The following PCDH15 variants were observed in gnomAD, a reference collection of about 807,000 sequenced individuals.
PCDH15 encodes the protein protocadherin-15.
PCDH15 carries 129 observed loss-of-function variants against 178.5 expected under a neutral mutation model. That is an observed-to-expected ratio of 0.72 (90% CI 0.63 to 0.84). PCDH15 has a LOEUF of 0.84. Among genes scored for constraint, PCDH15 ranks in the 40% least tolerant of loss-of-function variants. The probability of loss-of-function intolerance (pLI) is 0.00; values close to 1 mark genes in which losing one functional copy is unlikely to be tolerated. For synonymous variants in PCDH15, 800 were observed against 732.0 expected (o/e 1.09, Z -1.50); for missense variants, 2,230 against 2,099.9 (o/e 1.06, Z -1.21).
chr10:55,056,558 CTGTT>C (rs1564754155), intron 2 of PCDH15, among the ~76,000 whole-genome samples: 1 of 150,784 alleles, frequency 6.6e-6, no homozygotes, highest in Non-Finnish European at 1.5e-5. Flanking sequence ...CAATAAGACT[CTGTT>C]TGCTTCTTCA....
At chr10:54,038,167 T>C (rs989395927) in intron 18 of PCDH15, among the ~76,000 whole-genome samples, 1 of 151,966 alleles carries the variant, frequency 6.6e-6, no homozygotes, top group Non-Finnish European at 1.5e-5. Context: ...CTAATTCTTC[T>C]GAGATATCAT....
intron 2 of PCDH15, among the ~76,000 whole-genome samples, chr10:55,607,704 C>T (rs1313954406): frequency 2.2e-5 from 3 of 138,072 alleles, no homozygotes; most frequent in Non-Finnish European, 4.6e-5. Flanking sequence ...ACAATGAGAT[C>T]ACATGGACAC....
intron 2 of PCDH15, among the ~76,000 whole-genome samples, chr10:55,034,852 T>C (rs1840696810): frequency 6.6e-6 from 1 of 152,174 alleles, no homozygotes; most frequent in Non-Finnish European, 1.5e-5. Context: ...TTTATACATG[T>C]TAGTTAAATT....
intron 11 of PCDH15, among the ~76,000 whole-genome samples, chr10:54,191,881 G>A (rs7094949): frequency 0.44 from 65,466 of 149,984 alleles, 17,073 homozygotes; most frequent in East Asian, 0.94. Flanking sequence ...GGATTGTGAC[G>A]CTGCACTCCA....
At chr10:54,737,671 A>G (rs2132748260) in intron 1 of PCDH15, among the ~76,000 whole-genome samples, 1 of 151,488 alleles carries the variant, frequency 6.6e-6, no homozygotes, top group South Asian at 2.1e-4. Context: ...AAATTTGATG[A>G]CATTTAAGAT....
At chr10:53,999,029 G>A (rs1444890311) in intron 20 of PCDH15, among the ~76,000 whole-genome samples, 1 of 146,544 alleles carries the variant, frequency 6.8e-6, no homozygotes, top group Admixed American at 6.9e-5. Context: ...CTCCAGCCTG[G>A]GTGACAGAGT....
At chr10:54,350,776 T>C (rs1169096143) in intron 5 of PCDH15, among the ~76,000 whole-genome samples, 1 of 151,812 alleles carries the variant, frequency 6.6e-6, no homozygotes, top group East Asian at 1.9e-4. Flanking sequence ...GCTTCAAGTC[T>C]GAGAGTTTAA....
Position 53,810,617 on chromosome 10 carries a change from G to A in PCDH15, c.4610C>T (p.Ala1537Val), listed in dbSNP as rs1288943935. The part of the protein sequence containing the change: ...YGSRRRLLPP[A>V]GQEEYGEVVG... ...CACCTCACCATATTCCTCCTGTCCAGCTGGTGGTAACAATCGACGGCGACT... is the reference window on the plus strand; with the variant it reads ...CACCTCACCATATTCCTCCTGTCCAACTGGTGGTAACAATCGACGGCGACT... The change falls in exon 37 of 38, where the codon GCT (alanine) becomes GTT (valine). Residue 1537 changes from alanine to valine, a missense_variant. Transcript: ENST00000644397. 6.2e-7 allele frequency: 1 copy of A among 1,613,792 alleles called. No individual in the cohort carries two copies. Among genetic ancestry groups the A allele is most frequent in the Non-Finnish European group, 8.5e-7 (1 of 1,179,820 alleles).
At chr10:53,872,101 T>C (rs1401776615) in intron 26 of PCDH15, among the ~76,000 whole-genome samples, 1 of 152,176 alleles carries the variant, frequency 6.6e-6, no homozygotes. Flanking sequence ...CCCCTCCTTG[T>C]TGCCAAACAT....
chr10:54,233,299 A>C (rs2054273755), intron 9 of PCDH15, among the ~76,000 whole-genome samples: 1 of 152,238 alleles, frequency 6.6e-6, no homozygotes, highest in African/African-American at 2.4e-5. Flanking sequence ...TTTGTGACAA[A>C]TATTACATTA....
chr10:54,574,158 G>A (rs1239891706), intron 2 of PCDH15, among the ~76,000 whole-genome samples: 1 of 151,034 alleles, frequency 6.6e-6, no homozygotes, highest in Non-Finnish European at 1.5e-5. Flanking sequence ...TATGGTTTTA[G>A]GTCTAACGTT....
rs73255754 is a variant in PCDH15, at chr10:55,369,687, C to A, written c.-155-203036G>T. ...CCTACAAATTTAAAGTTAGCAGCCA[C>A]CTATATTAAGACTTCTTCCACAGGC... On this transcript the variant is annotated intron_variant, in intron 2 of 5. Coordinates refer to the PCDH15 transcript ENST00000613346. Among the ~76,000 whole-genome samples the A allele has an allele frequency of 9.7e-3, 1,480 of 152,058 alleles. 34 individuals are homozygous for A. Among genetic ancestry groups the A allele is most frequent in the African/African-American group, 0.034 (1,424 of 41,510 alleles).
At chr10:54,108,843 T>A (rs2094962383) in intron 15 of PCDH15, among the ~76,000 whole-genome samples, 1 of 152,166 alleles carries the variant, frequency 6.6e-6, no homozygotes, top group Non-Finnish European at 1.5e-5. Context: ...GAGGCTCCCA[T>A]TTCAGGTTCT....
At chr10:55,341,575 T>G in intron 2 of PCDH15, among the ~76,000 whole-genome samples, 1 of 89,786 alleles carries the variant, frequency 1.1e-5, no homozygotes, top group East Asian at 3.3e-4. Flanking sequence ...ATTAGCATCC[T>G]TTTTTTTTTT....
chr10:53,834,316 A>C (rs1466302807), intron 29 of PCDH15, among the ~76,000 whole-genome samples: 1 of 150,942 alleles, frequency 6.6e-6, no homozygotes, highest in African/African-American at 2.4e-5. Context: ...TCTACTAAAA[A>C]TGTTAAACTG....
In PCDH15 at chr10:54,207,673, A is replaced by G. The variant is rs527630676; in HGVS notation, c.1098+6263T>C. ...GGTGGGAGGTGGTGTACAACGTCAC[A>G]CTGTAGCAGAAAACCTGAAGGATAC... On this transcript the variant is annotated intron_variant, in intron 10 of 37. Coordinates refer to ENST00000644397, the MANE Select transcript of PCDH15 (RefSeq NM_001384140.1). 2.6e-5 allele frequency among the ~76,000 whole-genome samples: 4 copies of G among 152,124 alleles called. No homozygotes were observed. In the East Asian group the frequency reaches 7.7e-4, roughly 29 times the overall value.
intron 21 of PCDH15, among the ~76,000 whole-genome samples, chr10:53,964,511 ATTT>A (rs2088779177): frequency 7.3e-6 from 1 of 136,524 alleles, no homozygotes; most frequent in Non-Finnish European, 1.6e-5. Flanking sequence ...TTATTTATAA[ATTT>A]TATTTATAAA....
At chr10:54,779,326 G>C (rs1008793087) in intron 1 of PCDH15, among the ~76,000 whole-genome samples, 9 of 149,258 alleles carry the variant, frequency 6.0e-5, no homozygotes, top group African/African-American at 2.2e-4. Flanking sequence ...AGAGTTGGTA[G>C]TAATCAGGAC....
intron 2 of PCDH15, among the ~76,000 whole-genome samples, chr10:54,956,138 T>C (rs570244305): frequency 6.6e-6 from 1 of 151,370 alleles, no homozygotes; most frequent in African/African-American, 2.4e-5. Flanking sequence ...AGTGCCAGTA[T>C]TGATTGACAG....
Sources: allele counts gnomAD v4.1 joint callset (sites outside exome capture counted in the v4.1 genomes callset), GRCh38; gene constraint gnomAD v4.1.1; transcripts MANE v1.5; gene names NCBI Gene and HGNC (gene_info 2026-07-23, HGNC 2026-07-21).